KAZN: variants seen among roughly 807,000 people sequenced by gnomAD.
KAZN encodes kazrin, periplakin interacting protein, also known as kazrin.
Under a neutral mutation model 87.4 loss-of-function variants are expected in KAZN, and 40 were observed. The observed-to-expected ratio is 0.46, with a 90% CI of 0.36 to 0.60. The LOEUF (loss-of-function observed/expected upper bound fraction) is 0.60, where lower values mean the gene tolerates loss of function less well. KAZN is among the 20% of genes least tolerant of loss of function. KAZN has a pLI of 0.00. For synonymous variants in KAZN, 466 were observed against 458.3 expected (o/e 1.02, Z -0.22); for missense variants, 898 against 1,073.9 (o/e 0.84, Z 2.29).
intron 2 of KAZN, among the ~76,000 whole-genome samples, chr1:14,469,137 C>T (rs1413990773): frequency 6.6e-6 from 1 of 152,130 alleles, no homozygotes; most frequent in Non-Finnish European, 1.5e-5. Context: ...ATGTGTGCTA[C>T]TGGACACAAC....
intron 1 of KAZN, among the ~76,000 whole-genome samples, chr1:14,958,600 C>T (rs557754711): frequency 6.6e-6 from 1 of 152,214 alleles, no homozygotes; most frequent in Non-Finnish European, 1.5e-5. Context: ...CAGGGTGGGA[C>T]AGCCACCACA....
chr1:14,100,792 C>G (rs1424330235), intron 1 of KAZN, among the ~76,000 whole-genome samples: 1 of 152,144 alleles, frequency 6.6e-6, no homozygotes, highest in Non-Finnish European at 1.5e-5. Flanking sequence ...AGCTGTGTCC[C>G]CACCCAAATC....
intron 1 of KAZN, among the ~76,000 whole-genome samples, chr1:14,632,209 G>C (rs1266763988): frequency 2.0e-5 from 3 of 152,148 alleles, no homozygotes; most frequent in Non-Finnish European, 2.9e-5. Context: ...AGCCTCAGGG[G>C]AATGCTTACA....
chr1:14,745,262 G>GA (rs528235060), intron 1 of KAZN, among the ~76,000 whole-genome samples: 5,938 of 99,210 alleles, frequency 0.06, 151 homozygotes, highest in Middle Eastern at 0.15. Context: ...AGAAAAAAAG[G>GA]AAAAAAAAAA....
chr1:14,851,635 A>T (rs1287746614), intron 1 of KAZN, among the ~76,000 whole-genome samples: 1 of 152,176 alleles, frequency 6.6e-6, no homozygotes, highest in Non-Finnish European at 1.5e-5. Flanking sequence ...ATGCTGGGGC[A>T]CCTGGCTCTT....
At chr1:14,247,574 C>T (rs1649630174) in intron 2 of KAZN, among the ~76,000 whole-genome samples, 1 of 152,256 alleles carries the variant, frequency 6.6e-6, no homozygotes, top group East Asian at 1.9e-4. Flanking sequence ...CAGCTTCATC[C>T]TTTGGTGCAG....
At chr1:14,337,506 C>T (rs917477127) in intron 2 of KAZN, among the ~76,000 whole-genome samples, 3 of 152,216 alleles carry the variant, frequency 2.0e-5, no homozygotes, top group South Asian at 2.1e-4. Context: ...GTTTTAGATG[C>T]ATGTAAACAG....
intron 2 of KAZN, chr1:14,222,936 ATCT>A (rs1647139843): frequency 1.3e-5 from 2 of 152,302 alleles, no homozygotes; most frequent in South Asian, 4.1e-4. Flanking sequence ...CATCATCAAC[ATCT>A]TCATCATCAT....
chr1:14,628,169 G>A lies in KAZN; in HGVS notation c.226+28946G>A, dbSNP rs367573683. Among the ~76,000 whole-genome samples, 142 of 152,328 alleles carry A rather than the reference G, an allele frequency of 9.3e-4. 2 individuals are homozygous for A. The South Asian group carries it at 0.028, about 30-fold the overall frequency. The stretch of plus-strand genomic sequence containing the variant: ...AGATTACACCTGATCTGGTCCTGGG[G>A]CAGTGGATCCGGGTGCAGTTCTGTG... On this transcript the variant is annotated intron_variant, in intron 1 of 14. Transcript: ENST00000376030.
intron 2 of KAZN, among the ~76,000 whole-genome samples, chr1:14,513,774 G>T (rs1224725771): frequency 2.6e-5 from 4 of 152,030 alleles, no homozygotes; most frequent in African/African-American, 9.7e-5. Context: ...AATTTGTTAG[G>T]GGAATATACA....
At chr1:14,629,471 G>A (rs1206245988) in intron 1 of KAZN, among the ~76,000 whole-genome samples, 1 of 152,188 alleles carries the variant, frequency 6.6e-6, no homozygotes. Context: ...GGATGCTCAT[G>A]ATGGAAAACC....
At chr1:14,289,687 G>A (rs951086723) in intron 2 of KAZN, among the ~76,000 whole-genome samples, 24 of 152,058 alleles carry the variant, frequency 1.6e-4, no homozygotes, top group Non-Finnish European at 4.4e-5. Context: ...TACATTTAAG[G>A]TTAATATTGT....
intron 1 of KAZN, among the ~76,000 whole-genome samples, chr1:14,081,916 G>A (rs1295702328): frequency 6.6e-6 from 1 of 152,120 alleles, no homozygotes; most frequent in Admixed American, 6.5e-5. Flanking sequence ...GATTACAGGT[G>A]TGTGCCATCG....
intron 2 of KAZN, among the ~76,000 whole-genome samples, chr1:14,268,335 C>T (rs1480929889): frequency 6.6e-6 from 1 of 152,194 alleles, no homozygotes; most frequent in African/African-American, 2.4e-5. Flanking sequence ...AGGGCCGACT[C>T]ATATCCTCAG....
intron 1 of KAZN, among the ~76,000 whole-genome samples, chr1:14,151,779 C>G (rs1645478666): frequency 1.3e-5 from 2 of 152,190 alleles, no homozygotes; most frequent in African/African-American, 4.8e-5. Flanking sequence ...CCTCATCACA[C>G]CTGTAACCAT....
intron 1 of KAZN, among the ~76,000 whole-genome samples, chr1:14,814,606 A>G (rs1420345147): frequency 1.3e-5 from 2 of 152,224 alleles, no homozygotes; most frequent in African/African-American, 4.8e-5. Context: ...GTCAAAGATG[A>G]GAATCCTTTG....
intron 1 of KAZN, among the ~76,000 whole-genome samples, chr1:14,001,397 A>G (rs1409532051): frequency 6.6e-6 from 1 of 152,254 alleles, no homozygotes; most frequent in East Asian, 1.9e-4. Flanking sequence ...ATGGATAGGA[A>G]GAATAAATAT....
At chr1:14,478,471 A>G (rs1206110151) in intron 2 of KAZN, among the ~76,000 whole-genome samples, 1 of 152,166 alleles carries the variant, frequency 6.6e-6, no homozygotes, top group Non-Finnish European at 1.5e-5. Context: ...TGAATGAAAA[A>G]TCACAGAGGT....
chr1:15,042,794 T>G (rs1673051935), intron 3 of KAZN, among the ~76,000 whole-genome samples: 1 of 152,000 alleles, frequency 6.6e-6, no homozygotes, highest in Non-Finnish European at 1.5e-5. Context: ...CAGAGACAGG[T>G]TTGTCAGACA....
Sources: gnomAD v4.1 joint callset for allele counts (sites outside exome capture counted in the v4.1 genomes callset) on GRCh38, gnomAD v4.1.1 for gene constraint, MANE v1.5 for transcripts, NCBI Gene and HGNC (gene_info 2026-07-23, HGNC 2026-07-21) for gene names.